The following SYT1 variants were observed in gnomAD, a reference collection of about 807,000 sequenced individuals.
SYT1 encodes synaptotagmin-1.
A neutral mutation model predicts 44.8 loss-of-function variants in SYT1; 8 were observed. The ratio of observed to expected loss-of-function variants is 0.18; its 90% CI spans 0.10 to 0.32. The LOEUF (loss-of-function observed/expected upper bound fraction) is 0.32, where lower values mean the gene tolerates loss of function less well. SYT1 is among the 10% of genes least tolerant of loss of function. SYT1 has a pLI of 1.00. For missense variants in SYT1, 286 were observed against 509.3 expected (o/e 0.56, Z 4.22); for synonymous variants, 154 against 188.8 (o/e 0.82, Z 1.51).
chr12:79,313,602 GCA>G (rs1491422482), intron 8 of SYT1, among the ~76,000 whole-genome samples: 1,330 of 91,764 alleles, frequency 0.014, 15 homozygotes, highest in African/African-American at 0.048. Flanking sequence ...GTTTTAAAAA[GCA>G]AAAAAAAAAA....
chr12:79,389,041 A>C (rs1387973169), intron 9 of SYT1, among the ~76,000 whole-genome samples: 1 of 152,220 alleles, frequency 6.6e-6, no homozygotes, highest in Admixed American at 6.5e-5. Context: ...AATCTGCTTA[A>C]TAAGTAGATA....
Position 79,339,442 on chromosome 12 carries a change from G to A in SYT1, c.811-14060G>A, listed in dbSNP as rs1427933696. On this transcript the variant is annotated intron_variant, in intron 8 of 10. Coordinates refer to ENST00000261205, the MANE Select transcript of SYT1 (RefSeq NM_005639.3). ...CCAGTGATGATGAGCATTTTTTCATGTGTCTGTTGGCTGCATAAATGTCTT... is the reference window on the plus strand; with the variant it reads ...CCAGTGATGATGAGCATTTTTTCATATGTCTGTTGGCTGCATAAATGTCTT... Among the ~76,000 whole-genome samples, 4 of 152,234 alleles carry A rather than the reference G, an allele frequency of 2.6e-5. No homozygotes were observed. In the East Asian group the frequency reaches 7.7e-4, roughly 29 times the overall value.
chr12:79,183,600 T>TG (rs2138421659), intron 3 of SYT1, among the ~76,000 whole-genome samples: 1 of 152,144 alleles, frequency 6.6e-6, no homozygotes, highest in South Asian at 2.1e-4. Flanking sequence ...GCTTAATTAC[T>TG]GGGTTCTTTC....
At chr12:79,274,399 G>A (rs147563979) in intron 4 of SYT1, among the ~76,000 whole-genome samples, 104 of 152,266 alleles carry the variant, frequency 6.8e-4, no homozygotes, top group Admixed American at 1.9e-3. Flanking sequence ...CCATGTCAGG[G>A]GCATGAGAGC....
chr12:79,083,272 G>T (rs970291919), intron 3 of SYT1, among the ~76,000 whole-genome samples: 1 of 152,124 alleles, frequency 6.6e-6, no homozygotes, highest in Non-Finnish European at 1.5e-5. Flanking sequence ...GATGTGAAAA[G>T]ATAAGACTTA....
intron 3 of SYT1, among the ~76,000 whole-genome samples, chr12:79,077,721 G>A (rs1045284805): frequency 1.3e-5 from 2 of 152,122 alleles, no homozygotes; most frequent in African/African-American, 4.8e-5. Flanking sequence ...TCAATGTGTT[G>A]TTGCTTTTCC....
intron 8 of SYT1, among the ~76,000 whole-genome samples, chr12:79,304,591 A>G (rs954000220): frequency 2.6e-5 from 4 of 152,148 alleles, no homozygotes; most frequent in African/African-American, 9.7e-5. Context: ...TCCTGTTTCC[A>G]TAATGCACAT....
intron 3 of SYT1, among the ~76,000 whole-genome samples, chr12:79,123,823 T>C (rs2138145439): frequency 6.6e-6 from 1 of 152,278 alleles, no homozygotes; most frequent in South Asian, 2.1e-4. Flanking sequence ...TAGTTCTTTA[T>C]TTCATTGACC....
At chr12:79,058,717 G>T (rs1875148401) in intron 3 of SYT1, among the ~76,000 whole-genome samples, 1 of 152,040 alleles carries the variant, frequency 6.6e-6, no homozygotes, top group African/African-American at 2.4e-5. Context: ...TTCTGGCAGT[G>T]TGGGGTCCTG....
At chr12:78,950,469 T>C (rs958357711) in intron 1 of SYT1, among the ~76,000 whole-genome samples, 11 of 152,242 alleles carry the variant, frequency 7.2e-5, no homozygotes, top group African/African-American at 2.2e-4. Flanking sequence ...TTCTGTGGAA[T>C]ATATAGGAAC....
At chr12:79,236,583 A>AC (rs1876203895) in intron 4 of SYT1, among the ~76,000 whole-genome samples, 1 of 152,142 alleles carries the variant, frequency 6.6e-6, no homozygotes, top group Non-Finnish European at 1.5e-5. Context: ...TTCATCTTCC[A>AC]CCAAGTGGTA....
chr12:79,194,580 G>A (rs879434267), intron 3 of SYT1, among the ~76,000 whole-genome samples: 1 of 152,122 alleles, frequency 6.6e-6, no homozygotes, highest in East Asian at 1.9e-4. Context: ...GACATGAAAG[G>A]ATTTTTATTT....
intron 1 of SYT1, among the ~76,000 whole-genome samples, chr12:78,957,152 A>G (rs1879256000): frequency 6.6e-6 from 1 of 152,128 alleles, no homozygotes; most frequent in Non-Finnish European, 1.5e-5. Flanking sequence ...CGGAAAATAT[A>G]CCCATGTGCC....
intron 8 of SYT1, among the ~76,000 whole-genome samples, chr12:79,341,876 G>A (rs987764561): frequency 6.6e-6 from 1 of 151,830 alleles, no homozygotes; most frequent in African/African-American, 2.4e-5. Flanking sequence ...CACCGTGTTA[G>A]CCAGGATGGT....
In SYT1 at chr12:78,922,279, T is replaced by C. The variant is rs1034918092; in HGVS notation, c.-216-55520T>C. 2.6e-5 allele frequency among the ~76,000 whole-genome samples: 4 copies of C among 151,876 alleles called. No homozygotes were observed. The Admixed American group carries it at 2.6e-4, about 10-fold the overall frequency. ...TATCCAGTACATACTATGTGCTCAA[T>C]AAATATACAATGAATGTGTAACTAA... is the stretch of plus-strand genomic sequence containing the variant. On this transcript the variant is annotated intron_variant, in intron 1 of 10. Coordinates refer to ENST00000261205, the MANE Select transcript of SYT1 (RefSeq NM_005639.3).
At chr12:79,336,424 C>T (rs901648435) in intron 8 of SYT1, among the ~76,000 whole-genome samples, 3 of 152,142 alleles carry the variant, frequency 2.0e-5, no homozygotes, top group Non-Finnish European at 4.4e-5. Context: ...TTATTCTCTT[C>T]CTCAAGCTTC....
rs1270143680 is a variant in SYT1, at chr12:78,936,197, G to T, written c.-216-41602G>T. Among the ~76,000 whole-genome samples, 5 of 151,466 alleles carry T rather than the reference G, an allele frequency of 3.3e-5. No individual in the cohort carries two copies. The East Asian group carries it at 9.8e-4, about 30-fold the overall frequency. On this transcript the variant is annotated intron_variant, in intron 1 of 10. Coordinates refer to ENST00000261205, the MANE Select transcript of SYT1 (RefSeq NM_005639.3). ...AAAGGAACAATTTCAGTGTAGGAAAGGTTAACCGATGAAAATATCATATAT... is the reference window on the plus strand; with the variant it reads ...AAAGGAACAATTTCAGTGTAGGAAATGTTAACCGATGAAAATATCATATAT...
rs1232812946 is a variant in SYT1, at chr12:79,368,232, A to C, written c.928+14613A>C. 4.9e-4 allele frequency among the ~76,000 whole-genome samples: 74 copies of C among 151,906 alleles called. 1 individual carries two copies. The highest frequency in any genetic ancestry group is 4.3e-4 in the Non-Finnish European group (29 of 67,990). On this transcript the variant is annotated intron_variant, in intron 9 of 10. Coordinates refer to ENST00000261205, the MANE Select transcript of SYT1 (RefSeq NM_005639.3). ...TCCCTACAAAGGACATGAACTCATC[A>C]TTTTTTATGGCTGCATAGTATTCCA...
rs189815062 is a variant in SYT1 at position 79,197,947 on chromosome 12, A to G, written c.-17-19556A>G. On this transcript the variant is annotated intron_variant, in intron 3 of 10. Coordinates refer to ENST00000261205, the MANE Select transcript of SYT1 (RefSeq NM_005639.3). Reference sequence around the variant, plus strand: ...CAGCTAAGAAACATGGAAAGCAAATAAAACATCACTATCACCCAGAAAAAA... The same window carrying G: ...CAGCTAAGAAACATGGAAAGCAAATGAAACATCACTATCACCCAGAAAAAA... 2.0e-3 allele frequency among the ~76,000 whole-genome samples: 312 copies of G among 152,252 alleles called. 1 individual carries two copies. Among genetic ancestry groups the G allele is most frequent in the African/African-American group, 7.1e-3 (294 of 41,554 alleles).
Sources: allele counts gnomAD v4.1 joint callset (sites outside exome capture counted in the v4.1 genomes callset), GRCh38; gene constraint gnomAD v4.1.1; transcripts MANE v1.5; gene names NCBI Gene and HGNC (gene_info 2026-07-23, HGNC 2026-07-21).